RORA: variants seen among roughly 807,000 people sequenced by gnomAD.
RORA encodes the protein nuclear receptor ROR-alpha.
RORA carries 7 observed loss-of-function variants against 69.5 expected under a neutral mutation model. That is an observed-to-expected ratio of 0.10 (90% CI 0.06 to 0.19). The LOEUF (loss-of-function observed/expected upper bound fraction) is 0.19, where lower values mean the gene tolerates loss of function less well. Ranked by LOEUF, RORA falls within the 10% of genes least tolerant of loss-of-function variation. The probability of loss-of-function intolerance (pLI) is 1.00; values close to 1 mark genes in which losing one functional copy is unlikely to be tolerated. For synonymous variants in RORA, 261 were observed against 240.8 expected, an observed-to-expected ratio of 1.08 and a Z score of -0.78; for missense variants, 457 against 663.0, an observed-to-expected ratio of 0.69 and a Z score of 3.41.
At chr15:61,005,033 C>T (rs1894870352) in intron 1 of RORA, among the ~76,000 whole-genome samples, 1 of 152,188 alleles carries the variant, frequency 6.6e-6, no homozygotes, top group Admixed American at 6.5e-5. Flanking sequence ...TCTAGTGCAG[C>T]AATTCCACTT....
intron 1 of RORA, among the ~76,000 whole-genome samples, chr15:61,141,216 A>G (rs1255718444): frequency 2.6e-5 from 4 of 152,350 alleles, no homozygotes; most frequent in South Asian, 4.1e-4. Context: ...GGGTTAATGC[A>G]ATATCCCATA....
chr15:60,959,084 G>A (rs1478511542), intron 1 of RORA, among the ~76,000 whole-genome samples: 3 of 152,214 alleles, frequency 2.0e-5, no homozygotes, highest in Non-Finnish European at 2.9e-5. Context: ...TTCCAAGGCT[G>A]TAGAATTTTG....
intron 1 of RORA, among the ~76,000 whole-genome samples, chr15:60,943,429 T>G (rs918843926): frequency 1.3e-5 from 2 of 152,060 alleles, no homozygotes; most frequent in Non-Finnish European, 2.9e-5. Flanking sequence ...ATCAAGGTCA[T>G]ACTTAAAAAG....
At chr15:61,228,379 GA>G (rs148205480) in intron 1 of RORA, among the ~76,000 whole-genome samples, 21,040 of 151,884 alleles carry the variant, frequency 0.14, 1,840 homozygotes, top group Non-Finnish European at 0.2. Flanking sequence ...ACAACTTGGC[GA>G]ACAGCTCGCC....
At chr15:60,737,257 G>A (rs1430433525) in intron 1 of RORA, among the ~76,000 whole-genome samples, 2 of 152,210 alleles carry the variant, frequency 1.3e-5, no homozygotes, top group Admixed American at 1.3e-4. Flanking sequence ...CTGGAAAAGT[G>A]ATGATGTCTA....
intron 1 of RORA, among the ~76,000 whole-genome samples, chr15:60,974,206 C>T (rs1243623946): frequency 1.3e-5 from 2 of 152,204 alleles, no homozygotes; most frequent in Non-Finnish European, 1.5e-5. Context: ...CCAGGCTTAA[C>T]TCCATTAGTC....
chr15:61,001,181 A>C (rs915791916), intron 1 of RORA, among the ~76,000 whole-genome samples: 1 of 152,156 alleles, frequency 6.6e-6, no homozygotes, highest in Non-Finnish European at 1.5e-5. Context: ...TCTGTCCCTC[A>C]CCACTGTGAT....
intron 6 of RORA, 46 bp downstream of exon 6, chr15:60,505,462 C>G (rs146617380): frequency 3.7e-5 from 59 of 1,603,644 alleles, no homozygotes; most frequent in Non-Finnish European, 4.9e-5. Context: ...CAACACCCTT[C>G]CCAATATTGC....
intron 1 of RORA, among the ~76,000 whole-genome samples, chr15:60,776,554 T>C (rs10519070): frequency 0.15 from 22,587 of 152,170 alleles, 2,113 homozygotes; most frequent in East Asian, 0.48. Flanking sequence ...TTCTGCTCCT[T>C]TTAAATTATG....
chr15:60,591,250 C>G (rs1349472299), intron 2 of RORA, among the ~76,000 whole-genome samples: 1 of 152,198 alleles, frequency 6.6e-6, no homozygotes, highest in East Asian at 1.9e-4. Context: ...TGCGAAGCAG[C>G]TCGGGCAGAT....
At chr15:61,177,546 A>G (rs2079640813) in intron 1 of RORA, among the ~76,000 whole-genome samples, 1 of 152,176 alleles carries the variant, frequency 6.6e-6, no homozygotes, top group African/African-American at 2.4e-5. Flanking sequence ...TCCATCACAT[A>G]ACTGTTCGTG....
chr15:60,790,875 G>A (rs1200194955), intron 1 of RORA, among the ~76,000 whole-genome samples: 1 of 152,084 alleles, frequency 6.6e-6, no homozygotes, highest in East Asian at 1.9e-4. Flanking sequence ...GATGGTTCCA[G>A]GGTTACCACA....
chr15:60,796,408 T>C (rs1037106461), intron 1 of RORA, among the ~76,000 whole-genome samples: 4 of 152,144 alleles, frequency 2.6e-5, no homozygotes, highest in Non-Finnish European at 5.9e-5. Context: ...TATAAGCTTT[T>C]CACCTCTGAA....
At chr15:60,842,473 T>C (rs2140404763) in intron 1 of RORA, among the ~76,000 whole-genome samples, 1 of 152,366 alleles carries the variant, frequency 6.6e-6, no homozygotes, top group African/African-American at 2.4e-5. Flanking sequence ...CGTTAAGCAT[T>C]GCTTCCTGAG....
intron 2 of RORA, among the ~76,000 whole-genome samples, chr15:60,588,801 A>T (rs1027172601): frequency 9.9e-5 from 15 of 152,250 alleles, no homozygotes; most frequent in African/African-American, 3.6e-4. Context: ...TAAATAAATT[A>T]TATGGTTCTC....
At chr15:60,937,296 T>A (rs62006831) in intron 1 of RORA, among the ~76,000 whole-genome samples, 2 of 152,018 alleles carry the variant, frequency 1.3e-5, no homozygotes. Flanking sequence ...AGCACTGAGC[T>A]TGAGTATGGT....
At chr15:60,864,084 C>T (rs891883766) in intron 1 of RORA, among the ~76,000 whole-genome samples, 3 of 152,090 alleles carry the variant, frequency 2.0e-5, no homozygotes, top group East Asian at 3.9e-4. Flanking sequence ...GGATTATAGG[C>T]GTAAGCCACT....
intron 2 of RORA, among the ~76,000 whole-genome samples, chr15:60,560,325 T>C (rs1016712588): frequency 2.0e-5 from 3 of 152,008 alleles, no homozygotes; most frequent in Non-Finnish European, 4.4e-5. Flanking sequence ...CAGGGCCAGC[T>C]TGCCCTAGTT....
In RORA at chr15:60,515,971, ATT is replaced by A. The variant is rs1567050984; in HGVS notation, c.283-1216_283-1215del. On this transcript the variant is annotated intron_variant, in intron 3 of 10. Coordinates refer to ENST00000335670, the MANE Select transcript of RORA (RefSeq NM_134261.3). ...TATTTATATATTTATATTTATATAT[ATT>A]TATATATTTATATATATTTATATAT... Among the ~76,000 whole-genome samples, 29 of 16,932 alleles carry A rather than the reference ATT, an allele frequency of 1.7e-3. 3 individuals carry two copies. Among genetic ancestry groups the A allele is most frequent in the South Asian group, 6.4e-3 (3 of 466 alleles). The allele number at this position is 16,932 out of a possible 152,430, so 11.1% of individuals were successfully genotyped here.
Sources: allele counts gnomAD v4.1 joint callset (sites outside exome capture counted in the v4.1 genomes callset), GRCh38; gene constraint gnomAD v4.1.1; transcripts MANE v1.5; gene names NCBI Gene and HGNC (gene_info 2026-07-23, HGNC 2026-07-21).